The following MARCHF1 variants were observed in gnomAD, a reference collection of about 807,000 sequenced individuals.
MARCHF1 encodes membrane associated ring-CH-type finger 1.
Under a neutral mutation model 54.2 loss-of-function variants are expected in MARCHF1, and 40 were observed. That is an observed-to-expected ratio of 0.74 (90% confidence interval 0.57 to 0.96). The LOEUF is 0.96. Ranked by LOEUF, MARCHF1 falls within the 40% of genes least tolerant of loss-of-function variation. The pLI is 0.00. For synonymous variants in MARCHF1, 236 were observed against 236.3 expected, an observed-to-expected ratio of 1.00 and a Z score of 0.01; for missense variants, 586 against 656.5, an observed-to-expected ratio of 0.89 and a Z score of 1.17.
At chr4:163,732,043 C>T (rs1422929769) in intron 4 of MARCHF1, among the ~76,000 whole-genome samples, 1 of 152,010 alleles carries the variant, frequency 6.6e-6, no homozygotes, top group African/African-American at 2.4e-5. Flanking sequence ...TAAATAATTA[C>T]TAGGTATGCA....
In MARCHF1 at chr4:163,627,642, G is replaced by T. The variant is rs142803890; in HGVS notation, c.163-14249C>A. On this transcript the variant is annotated intron_variant, in intron 5 of 9. Coordinates refer to ENST00000514618, the MANE Select transcript of MARCHF1 (RefSeq NM_001394959.1). ...TGAAGGGTTCTGACTTGGAGATAAA[G>T]ATGATGACAAATGTTCTTTAAAAAG... is the stretch of plus-strand genomic sequence containing the variant. Among the ~76,000 whole-genome samples, 46 of 151,944 alleles carry T rather than the reference G, an allele frequency of 3.0e-4. 1 individual carries two copies. In the East Asian group the frequency reaches 8.1e-3, roughly 27 times the overall value.
chr4:164,120,176 G>C (rs1756036413), intron 1 of MARCHF1, among the ~76,000 whole-genome samples: 1 of 152,044 alleles, frequency 6.6e-6, no homozygotes, highest in Non-Finnish European at 1.5e-5. Flanking sequence ...CCAAAAGAGA[G>C]CAGGAGTCGC....
At chr4:164,258,406 A>AATAATT (rs1733356313) in intron 1 of MARCHF1, among the ~76,000 whole-genome samples, 1 of 150,664 alleles carries the variant, frequency 6.6e-6, no homozygotes, top group South Asian at 2.1e-4. Context: ...TAATAATAAT[A>AATAATT]ATAATAATAA....
rs563815268 is a variant in MARCHF1 at position 164,311,051 on chromosome 4, T to C, written c.-323+72819A>G. Among the ~76,000 whole-genome samples the C allele has an allele frequency of 1.5e-4, 23 of 152,282 alleles. 1 individual carries two copies. The highest frequency in any genetic ancestry group is 5.3e-4 in the African/African-American group (22 of 41,584). ...CCAAGGAAAATAAAAAGTGGAACCA[T>C]TCTAATAGCACTCTAAATGCTGAAT... On this transcript the variant is annotated intron_variant, in intron 1 of 9. Transcript: ENST00000514618.
intron 3 of MARCHF1, among the ~76,000 whole-genome samples, chr4:163,907,953 A>G (rs780659941): frequency 1.3e-5 from 2 of 152,132 alleles, no homozygotes; most frequent in Non-Finnish European, 2.9e-5. Flanking sequence ...GTTAGAATAT[A>G]TTATTGCACC....
At chr4:163,749,164 T>A (rs1746446668) in intron 4 of MARCHF1, among the ~76,000 whole-genome samples, 3 of 152,186 alleles carry the variant, frequency 2.0e-5, no homozygotes, top group African/African-American at 7.2e-5. Flanking sequence ...TTTAATGCTA[T>A]TGTAAGTGGT....
chr4:163,707,777 G>A (rs1579213404), intron 4 of MARCHF1, among the ~76,000 whole-genome samples: 1 of 105,640 alleles, frequency 9.5e-6, no homozygotes, highest in South Asian at 3.2e-4. Context: ...ATACAACTCT[G>A]TTTTGAACTA....
intron 4 of MARCHF1, among the ~76,000 whole-genome samples, chr4:163,727,426 G>A (rs1745693619): frequency 6.6e-6 from 1 of 151,536 alleles, no homozygotes; most frequent in Admixed American, 6.6e-5. Context: ...TCCTGCCTCA[G>A]CCTCCCCAGC....
intron 1 of MARCHF1, among the ~76,000 whole-genome samples, chr4:164,284,811 G>A (rs992795769): frequency 3.3e-5 from 5 of 150,960 alleles, no homozygotes; most frequent in Admixed American, 6.7e-5. Context: ...GTTCAATATC[G>A]TATATGTTTA....
intron 1 of MARCHF1, among the ~76,000 whole-genome samples, chr4:164,255,569 C>G (rs1471890229): frequency 6.6e-6 from 1 of 151,840 alleles, no homozygotes; most frequent in Non-Finnish European, 1.5e-5. Flanking sequence ...TACAACAGAT[C>G]CACCTAAAAT....
chr4:164,215,496 A>G (rs1421825183), intron 1 of MARCHF1, among the ~76,000 whole-genome samples: 1 of 152,106 alleles, frequency 6.6e-6, no homozygotes. Flanking sequence ...GGGCAGGAAA[A>G]CAAAAATTCT....
chr4:163,747,723 G>A (rs1411064650), intron 4 of MARCHF1, among the ~76,000 whole-genome samples: 1 of 152,192 alleles, frequency 6.6e-6, no homozygotes, highest in African/African-American at 2.4e-5. Flanking sequence ...AGATGCCACT[G>A]ATAAGAGAAT....
chr4:164,317,926 G>T (rs1735041626), intron 1 of MARCHF1, among the ~76,000 whole-genome samples: 1 of 152,066 alleles, frequency 6.6e-6, no homozygotes, highest in South Asian at 2.1e-4. Context: ...CTGTTTATTT[G>T]TTCCTTCCTG....
intron 1 of MARCHF1, among the ~76,000 whole-genome samples, chr4:164,183,816 T>A (rs1264695166): frequency 6.6e-6 from 1 of 152,084 alleles, no homozygotes; most frequent in Non-Finnish European, 1.5e-5. Flanking sequence ...CAGGATTGTA[T>A]GGGAGCATAT....
chr4:163,691,129 C>G (rs950548145), intron 5 of MARCHF1, among the ~76,000 whole-genome samples: 17 of 152,172 alleles, frequency 1.1e-4, no homozygotes, highest in African/African-American at 3.9e-4. Flanking sequence ...GGTGCCTTTT[C>G]CAAGCTGATG....
intron 4 of MARCHF1, among the ~76,000 whole-genome samples, chr4:163,743,227 C>A (rs1048817060): frequency 5.3e-5 from 8 of 151,502 alleles, no homozygotes; most frequent in Non-Finnish European, 7.4e-5. Context: ...ACTAGAGGGT[C>A]AAAAAAAAGA....
At chr4:163,907,872 T>C (rs900233727) in intron 3 of MARCHF1, among the ~76,000 whole-genome samples, 11 of 152,130 alleles carry the variant, frequency 7.2e-5, no homozygotes, top group African/African-American at 2.6e-4. Flanking sequence ...GGCACATGAC[T>C]CCCCCATTAT....
chr4:164,157,481 T>C lies in MARCHF1; in HGVS notation c.-322-45819A>G, dbSNP rs546175839. On this transcript the variant is annotated intron_variant, in intron 1 of 9. Transcript: ENST00000514618. ...TACTTTGCATATTGTATTAGTTTCC[T>C]AGGGCTACAATAACAAAACACCACA... 4.6e-5 allele frequency among the ~76,000 whole-genome samples: 7 copies of C among 152,318 alleles called. No homozygotes were observed. The East Asian group carries it at 1.3e-3, about 29-fold the overall frequency.
chr4:163,727,320 T>C (rs1440372037), intron 4 of MARCHF1, among the ~76,000 whole-genome samples: 1 of 151,886 alleles, frequency 6.6e-6, no homozygotes, highest in Non-Finnish European at 1.5e-5. Flanking sequence ...TTTTCTTTTT[T>C]TTTTTTTGAC....
Sources: allele counts gnomAD v4.1 joint callset (sites outside exome capture counted in the v4.1 genomes callset), GRCh38; gene constraint gnomAD v4.1.1; transcripts MANE v1.5; gene names NCBI Gene and HGNC (gene_info 2026-07-23, HGNC 2026-07-21).